Variants in ARID1B observed in about 807,000 individuals in gnomAD.
ARID1B encodes AT-rich interaction domain 1B, also known as AT-rich interactive domain-containing protein 1B.
A neutral mutation model predicts 212.3 loss-of-function variants in ARID1B; 30 were observed. The observed-to-expected ratio is 0.14, with a 90% confidence interval of 0.11 to 0.19. The LOEUF (loss-of-function observed/expected upper bound fraction) is 0.19. Ranked by LOEUF, ARID1B falls within the 10% of genes least tolerant of loss-of-function variation. The pLI, the probability that ARID1B is intolerant of heterozygous loss-of-function variation, is 1.00. For missense variants in ARID1B, 2,891 were observed against 3,204.0 expected, an observed-to-expected ratio of 0.90 and a Z score of 2.36; for synonymous variants, 1,402 against 1,301.7, an observed-to-expected ratio of 1.08 and a Z score of -1.66.
Position 157,208,896 on chromosome 6 carries a change from T to C in ARID1B, c.*1005T>C, listed in dbSNP as rs949215374. On this transcript the variant is annotated 3_prime_UTR_variant, in exon 20 of 20. Transcript: ENST00000636930. ...CAAAAACAAAAAAAAAAGAGGGTAA[T>C]GTACAAGTTTCTGTATGTATAAAGT... 8.8e-6 allele frequency: 2 copies of C among 227,266 alleles called. No homozygotes were observed. Among genetic ancestry groups the C allele is most frequent in the Admixed American group, 1.1e-4 (2 of 17,486 alleles). 14.1% of individuals were successfully genotyped at this position (227,266 alleles called of 1,614,324 possible). A position where few individuals can be genotyped will look rare whatever the true frequency, so the allele number is the denominator to read the frequency against.
chr6:156,851,094 T>C (rs957231405), intron 2 of ARID1B, among the ~76,000 whole-genome samples: 2 of 152,206 alleles, frequency 1.3e-5, no homozygotes, highest in African/African-American at 4.8e-5. Flanking sequence ...CAGGTCTGGC[T>C]CTTTGAACAC....
At chr6:157,166,393 G>A (rs1461642117) in intron 8 of ARID1B, 1 of 152,236 alleles carries the variant, frequency 6.6e-6, no homozygotes, top group African/African-American at 2.4e-5. Flanking sequence ...AGGGACACGT[G>A]CAGCTGATCT....
chr6:157,113,596 A>G (rs1407801790), intron 6 of ARID1B, among the ~76,000 whole-genome samples: 1 of 152,196 alleles, frequency 6.6e-6, no homozygotes, highest in Non-Finnish European at 1.5e-5. Flanking sequence ...ATGAGGTAGC[A>G]CTAGGGGGAC....
intron 2 of ARID1B, among the ~76,000 whole-genome samples, chr6:156,834,053 A>G (rs145293481): frequency 6.6e-6 from 1 of 152,316 alleles, no homozygotes; most frequent in African/African-American, 2.4e-5. Context: ...TTGTTGATCT[A>G]TTCTGGAAAA....
At chr6:157,112,885 A>C (rs994763776) in intron 6 of ARID1B, among the ~76,000 whole-genome samples, 1 of 151,414 alleles carries the variant, frequency 6.6e-6, no homozygotes, top group Non-Finnish European at 1.5e-5. Flanking sequence ...AACTGATACC[A>C]GGTACATAAC....
At chr6:157,150,644 GTGTGGGGGTGACAGA>G (rs1790128322) in intron 8 of ARID1B, 1 of 171,332 alleles carries the variant, frequency 5.8e-6, no homozygotes, top group East Asian at 1.1e-4. Context: ...CCGCACCTAT[GTGTGGGGGTGACAGA>G]TATACAGGGC....
At chr6:156,803,334 A>G (rs556773292) in intron 1 of ARID1B, among the ~76,000 whole-genome samples, 1 of 152,202 alleles carries the variant, frequency 6.6e-6, no homozygotes, top group Non-Finnish European at 1.5e-5. Context: ...ATTTTTCAGT[A>G]TAGAAGAATA....
At chr6:156,991,433 T>C (rs1032474291) in intron 4 of ARID1B, among the ~76,000 whole-genome samples, 6 of 152,260 alleles carry the variant, frequency 3.9e-5, no homozygotes, top group African/African-American at 1.4e-4. Context: ...GGTTTCACCA[T>C]GTTGGCCAGG....
intron 1 of ARID1B, chr6:156,779,679 C>CGCCGGGCCGG (rs1013395627): frequency 3.5e-6 from 1 of 282,740 alleles, no homozygotes; most frequent in African/African-American, 2.3e-5. Flanking sequence ...GGGAGGGCTT[C>CGCCGGGCCGG]GCCGGGCCGG....
intron 3 of ARID1B, among the ~76,000 whole-genome samples, chr6:156,909,914 C>G (rs1257982655): frequency 6.6e-6 from 1 of 152,192 alleles, no homozygotes; most frequent in Non-Finnish European, 1.5e-5. Context: ...TGACCATCAG[C>G]TACAGCTGAG....
chr6:157,163,471 A>G (rs142512889), intron 8 of ARID1B, among the ~76,000 whole-genome samples: 4,295 of 152,256 alleles, frequency 0.028, 80 homozygotes, highest in Non-Finnish European at 0.043. Flanking sequence ...TGCTTGTTCA[A>G]AATTACCAAG....
At chr6:157,131,821 G>A (rs933930511) in intron 6 of ARID1B, among the ~76,000 whole-genome samples, 15 of 152,160 alleles carry the variant, frequency 9.9e-5, no homozygotes, top group African/African-American at 2.9e-4. Flanking sequence ...CTCCTGAGTA[G>A]CTGGGATTAC....
At chr6:157,072,403 T>C (rs1478118366) in intron 4 of ARID1B, 1 of 152,220 alleles carries the variant, frequency 6.6e-6, no homozygotes, top group Non-Finnish European at 1.5e-5. Flanking sequence ...TAATATTTTA[T>C]TCAGCACCAG....
intron 3 of ARID1B, among the ~76,000 whole-genome samples, chr6:156,934,882 G>T (rs1327335890): frequency 8.1e-6 from 1 of 123,056 alleles, no homozygotes; most frequent in African/African-American, 3.1e-5. Flanking sequence ...ACAGTACTTG[G>T]TATGGTCTCA....
intron 2 of ARID1B, among the ~76,000 whole-genome samples, chr6:156,848,709 C>T (rs1248361989): frequency 6.6e-6 from 1 of 152,140 alleles, no homozygotes; most frequent in African/African-American, 2.4e-5. Flanking sequence ...GCCAGCTGGC[C>T]CAAGGCCAGG....
At chr6:156,873,729 T>C (rs1019391497) in intron 2 of ARID1B, among the ~76,000 whole-genome samples, 1 of 152,196 alleles carries the variant, frequency 6.6e-6, no homozygotes, top group Non-Finnish European at 1.5e-5. Flanking sequence ...GGGTTTGCCT[T>C]CTTGTCTCCT....
chr6:157,090,509 G>C (rs1023713832), intron 5 of ARID1B, among the ~76,000 whole-genome samples: 2 of 152,220 alleles, frequency 1.3e-5, no homozygotes, highest in African/African-American at 4.8e-5. Context: ...CACAAAATTA[G>C]GTCTTCACGC....
At chr6:157,124,287 A>G (rs1426172957) in intron 6 of ARID1B, among the ~76,000 whole-genome samples, 2 of 152,260 alleles carry the variant, frequency 1.3e-5, no homozygotes, top group Non-Finnish European at 2.9e-5. Flanking sequence ...TTCTAACTCT[A>G]TGCCAGATAC....
At chr6:156,815,200 AGATAGTGCTCTTTTTATCTT>A (rs1781878785) in intron 1 of ARID1B, among the ~76,000 whole-genome samples, 1 of 152,318 alleles carries the variant, frequency 6.6e-6, no homozygotes, top group African/African-American at 2.4e-5. Context: ...TGCCACTGTA[AGATAGTGCTCTTTTTATCTT>A]GATATAGACA....
Sources: gnomAD v4.1 joint callset for allele counts (sites outside exome capture counted in the v4.1 genomes callset) on GRCh38, gnomAD v4.1.1 for gene constraint, MANE v1.5 for transcripts, NCBI Gene and HGNC (gene_info 2026-07-23, HGNC 2026-07-21) for gene names.